The following KALRN variants were observed in gnomAD, a reference collection of about 807,000 sequenced individuals.
KALRN encodes kalirin.
KALRN carries 70 observed loss-of-function variants against 353.7 expected under a neutral mutation model. That is an observed-to-expected ratio of 0.20 (90% CI 0.16 to 0.24). KALRN has a LOEUF of 0.24. Among genes scored for constraint, KALRN ranks in the 10% least tolerant of loss-of-function variants. The pLI, the probability that KALRN is intolerant of heterozygous loss-of-function variation, is 1.00. For synonymous variants in KALRN, 1,391 were observed against 1,434.8 expected, an observed-to-expected ratio of 0.97 and a Z score of 0.69; for missense variants, 2,791 against 3,756.7, an observed-to-expected ratio of 0.74 and a Z score of 6.72.
At chr3:124,360,294 G>A (rs1331392934) in intron 10 of KALRN, among the ~76,000 whole-genome samples, 4 of 152,186 alleles carry the variant, frequency 2.6e-5, no homozygotes, top group East Asian at 1.9e-4. Context: ...GTTGGCTGCC[G>A]GTGGAATCTG....
At chr3:124,672,707 G>A (rs962357198) in intron 48 of KALRN, among the ~76,000 whole-genome samples, 1 of 152,178 alleles carries the variant, frequency 6.6e-6, no homozygotes, top group Non-Finnish European at 1.5e-5. Flanking sequence ...CCCCTACAAG[G>A]TAGGTAGAAC....
At chr3:124,252,301 C>T (rs1257293200) in intron 3 of KALRN, among the ~76,000 whole-genome samples, 4 of 152,142 alleles carry the variant, frequency 2.6e-5, no homozygotes, top group African/African-American at 4.8e-5. Context: ...CTGGTCCAAA[C>T]GGCTAAGATA....
chr3:124,315,663 A>G (rs2078737189), intron 6 of KALRN, among the ~76,000 whole-genome samples: 1 of 150,094 alleles, frequency 6.7e-6, no homozygotes, highest in Non-Finnish European at 1.5e-5. Context: ...AGCTCAGTTG[A>G]CCCACCCACT....
chr3:124,448,374 C>G (rs1267826014), intron 21 of KALRN, among the ~76,000 whole-genome samples: 2 of 152,148 alleles, frequency 1.3e-5, no homozygotes, highest in African/African-American at 4.8e-5. Context: ...AGATCAAGAA[C>G]TTTAATGATT....
At chr3:124,554,018 T>C (rs927649980) in intron 33 of KALRN, among the ~76,000 whole-genome samples, 1 of 152,242 alleles carries the variant, frequency 6.6e-6, no homozygotes, top group Admixed American at 6.5e-5. Flanking sequence ...AGTCAGTGTC[T>C]AGTTAGATGT....
chr3:124,294,911 TGAG>T (rs968935784), intron 5 of KALRN, among the ~76,000 whole-genome samples: 1 of 152,216 alleles, frequency 6.6e-6, no homozygotes, highest in African/African-American at 2.4e-5. Context: ...TCTCTTCAAA[TGAG>T]GAGAAGATCA....
At chr3:124,610,671 C>A (rs2077848612) in intron 34 of KALRN, among the ~76,000 whole-genome samples, 2 of 151,934 alleles carry the variant, frequency 1.3e-5, no homozygotes, top group Admixed American at 6.6e-5. Flanking sequence ...CAGCAATACC[C>A]CAGATATCAA....
chr3:124,392,944 C>G (rs1338356705), intron 11 of KALRN, among the ~76,000 whole-genome samples: 2 of 125,496 alleles, frequency 1.6e-5, no homozygotes, highest in African/African-American at 6.1e-5. Flanking sequence ...CCCCTCCCCC[C>G]ACCCCACCAC....
At chr3:124,580,247 C>G (rs1379536468) in intron 34 of KALRN, among the ~76,000 whole-genome samples, 1 of 152,024 alleles carries the variant, frequency 6.6e-6, no homozygotes, top group Admixed American at 6.6e-5. Context: ...TGAGAACCAC[C>G]GCACTGCACC....
At chr3:124,507,606 A>G (rs1050903035) in intron 33 of KALRN, among the ~76,000 whole-genome samples, 6 of 152,216 alleles carry the variant, frequency 3.9e-5, no homozygotes, top group Non-Finnish European at 1.5e-5. Context: ...GGAGATTCAG[A>G]ATATATCAAA....
chr3:124,431,850 A>G (rs2093291006), intron 16 of KALRN, among the ~76,000 whole-genome samples: 1 of 152,222 alleles, frequency 6.6e-6, no homozygotes, highest in African/African-American at 2.4e-5. Flanking sequence ...CCCGGAAACC[A>G]TCTTGGATGT....
intron 1 of KALRN, chr3:124,082,469 C>A: frequency 2.8e-6 from 1 of 356,084 alleles, no homozygotes; most frequent in Non-Finnish European, 5.6e-6. Context: ...GGTGGTGGTG[C>A]CAGTTCTGCT....
At chr3:124,291,374 A>C (rs1229543019) in intron 5 of KALRN, among the ~76,000 whole-genome samples, 1 of 152,116 alleles carries the variant, frequency 6.6e-6, no homozygotes, top group Non-Finnish European at 1.5e-5. Flanking sequence ...TTTGTGAAGC[A>C]GGGGATTTTT....
chr3:124,226,550 TC>T (rs2078527683), intron 1 of KALRN, among the ~76,000 whole-genome samples: 1 of 152,180 alleles, frequency 6.6e-6, no homozygotes, highest in African/African-American at 2.4e-5. Context: ...GGCAAAATGG[TC>T]AGAGACACTT....
intron 50 of KALRN, 92 bp downstream of exon 50, chr3:124,678,405 T>A (rs906088408): frequency 2.8e-6 from 4 of 1,428,898 alleles, no homozygotes; most frequent in South Asian, 2.7e-5. Context: ...ATGGGTTATT[T>A]TTTTTTTTTC....
At chr3:124,085,505 A>G (rs780211085) in intron 1 of KALRN, among the ~76,000 whole-genome samples, 77 of 152,344 alleles carry the variant, frequency 5.1e-4, no homozygotes, top group Non-Finnish European at 9.3e-4. Context: ...TTCTCATGAT[A>G]TAGTGATAGA....
At chr3:124,149,881 G>A (rs2067858027) in intron 1 of KALRN, among the ~76,000 whole-genome samples, 1 of 152,268 alleles carries the variant, frequency 6.6e-6, no homozygotes. Context: ...CTAGCCAGCC[G>A]GGTTCCGTTT....
chr3:124,361,251 T>C (rs1052712503), intron 10 of KALRN, among the ~76,000 whole-genome samples: 1 of 152,234 alleles, frequency 6.6e-6, no homozygotes, highest in Admixed American at 6.5e-5. Flanking sequence ...AGGAAGTTTC[T>C]ACTTTATTTA....
chr3:124,275,482 A>T (rs1181294264), intron 5 of KALRN, among the ~76,000 whole-genome samples: 1 of 151,478 alleles, frequency 6.6e-6, no homozygotes, highest in East Asian at 1.9e-4. Flanking sequence ...ATAAAACCCT[A>T]CTCCCTTGAG....
Sources: allele counts gnomAD v4.1 joint callset (sites outside exome capture counted in the v4.1 genomes callset), GRCh38; gene constraint gnomAD v4.1.1; transcripts MANE v1.5; gene names NCBI Gene and HGNC (gene_info 2026-07-23, HGNC 2026-07-21).